OPALIN: variants seen among roughly 807,000 people sequenced by gnomAD.
OPALIN encodes transmembrane protein 10.
OPALIN carries 15 observed loss-of-function variants against 17.8 expected under a neutral mutation model. That is an observed-to-expected ratio of 0.84 (90% CI 0.56 to 1.29). The LOEUF (loss-of-function observed/expected upper bound fraction) is 1.29. Ranked by LOEUF, OPALIN falls within the 50% of genes most tolerant of loss-of-function variation. OPALIN has a pLI of 0.00. For synonymous variants in OPALIN, 62 were observed against 63.8 expected, an observed-to-expected ratio of 0.97 and a Z score of 0.14; for missense variants, 170 against 176.0, an observed-to-expected ratio of 0.97 and a Z score of 0.19.
chr10:96,351,495 CT>C (rs1483655463), intron 2 of OPALIN, 85 bp from the exon 3 acceptor site: 4 of 757,460 alleles, frequency 5.3e-6, no homozygotes, highest in Non-Finnish European at 8.2e-6. Flanking sequence ...AAAGTTTAGG[CT>C]ATAAAGCCTA....
At position 96,345,496 on chromosome 10, in the gene OPALIN, T is replaced by C. The variant is rs890997016; in HGVS notation, c.*445A>G. On this transcript the variant is annotated 3_prime_UTR_variant, in exon 6 of 6. Transcript: ENST00000371172. ...AGATATTCAGAAACAATTAACTGCT[T>C]CCTCTCACACATCCTGCATAAGTTT... 6.4e-6 allele frequency: 1 copy of C among 156,620 alleles called. No homozygotes were observed. Among genetic ancestry groups the C allele is most frequent in the African/African-American group, 2.4e-5 (1 of 41,482 alleles). The allele number at this position is 156,620 out of a possible 1,614,324, so 9.7% of individuals were successfully genotyped here.
rs1845283518 is a variant in OPALIN, at chr10:96,345,717, C to A, written c.*224G>T. The A allele has an allele frequency of 2.3e-6, 1 of 430,182 alleles. No homozygotes were observed. The highest frequency in any genetic ancestry group is 3.4e-5 in the East Asian group (1 of 29,068). 26.6% of individuals were successfully genotyped at this position (430,182 alleles called of 1,614,324 possible). A position where few individuals can be genotyped will look rare whatever the true frequency, so the allele number is the denominator to read the frequency against. On this transcript the variant is annotated 3_prime_UTR_variant, in exon 6 of 6. Coordinates refer to ENST00000371172, the MANE Select transcript of OPALIN (RefSeq NM_033207.5). ...CAGGAATAGGATCTAAGGACCCCAT[C>A]TGGTGAGTCACATGTACTAACTAAA...
chr10:96,352,131 C>CG (rs1845610701), intron 2 of OPALIN, among the ~76,000 whole-genome samples: 1 of 150,542 alleles, frequency 6.6e-6, no homozygotes, highest in South Asian at 2.1e-4. Flanking sequence ...TTGCATGTCT[C>CG]TATCTACACA....
Position 96,350,106 on chromosome 10 carries a change from A to G in OPALIN, c.73-280T>C, listed in dbSNP as rs545957478. ...GATATGAACAGGTATTCTTTAGAAC[A>G]GAAATACAAATGTCTCTTCAATGTA... On this transcript the variant is annotated intron_variant, in intron 3 of 5. Coordinates refer to ENST00000371172, the MANE Select transcript of OPALIN (RefSeq NM_033207.5). Among the ~76,000 whole-genome samples, 5 of 152,384 alleles carry G rather than the reference A, an allele frequency of 3.3e-5. No homozygotes were observed. In the East Asian group the frequency reaches 9.6e-4, roughly 29 times the overall value.
intron 1 of OPALIN, among the ~76,000 whole-genome samples, chr10:96,355,763 G>A (rs1328312010): frequency 6.6e-6 from 1 of 152,180 alleles, no homozygotes; most frequent in African/African-American, 2.4e-5. Flanking sequence ...ATCCTTACCC[G>A]GGGAAGGCAA....
At position 96,355,297 on chromosome 10, in the gene OPALIN, G is replaced by A; in HGVS notation, c.4-7C>T. On this transcript the variant is annotated splice_polypyrimidine_tract_variant and splice_region_variant and intron_variant, in intron 1 of 5. Coordinates refer to ENST00000371172, the MANE Select transcript of OPALIN (RefSeq NM_033207.5). ...TGAAGTTCAGTGAAAAACTCTGCAA[G>A]ATAGAAGTAAACATTAAAGCTCCCA... 1.9e-6 allele frequency: 3 copies of A among 1,613,682 alleles called. No homozygotes were observed. The highest frequency in any genetic ancestry group is 1.7e-6 in the Non-Finnish European group (2 of 1,179,792).
Position 96,349,771 on chromosome 10 carries a change from G to A in OPALIN, c.128C>T (p.Ala43Val). The change falls in exon 4 of 6, where the codon GCC becomes GTC. Residue 43 changes from alanine to valine, a missense_variant. Physicochemically the swap from Ala to Val is moderately conservative, Grantham distance 64. Transcript: ENST00000371172. ...AAGIPLLVAT[A>V]LLVALLFTLI... ...AGTAAATAGTAAAGCCACCAGCAGG[G>A]CTGTGGCCACCAGCAATGGTATGCC... 1.9e-6 allele frequency: 3 copies of A among 1,613,670 alleles called. No individual in the cohort carries two copies. Among genetic ancestry groups the A allele is most frequent in the Non-Finnish European group, 2.5e-6 (3 of 1,179,726 alleles).
chr10:96,354,132 T>G (rs1845706918), intron 2 of OPALIN, among the ~76,000 whole-genome samples: 1 of 152,100 alleles, frequency 6.6e-6, no homozygotes. Context: ...CCAAGCCCAC[T>G]AAAAAACTGG....
chr10:96,358,573 T>C (rs1385174122), intron 1 of OPALIN, among the ~76,000 whole-genome samples: 1 of 152,224 alleles, frequency 6.6e-6, no homozygotes, highest in Non-Finnish European at 1.5e-5. Context: ...TTGCTGATGA[T>C]GGAACAAAAA....
In OPALIN at chr10:96,349,750, A is replaced by G. The variant is rs1420858819; in HGVS notation, c.149T>C (p.Phe50Ser). 3 of 1,613,966 alleles carry G rather than the reference A, an allele frequency of 1.9e-6. No individual in the cohort carries two copies. In the African/African-American group the frequency reaches 4.0e-5, roughly 22 times the overall value. Residue 50 changes from phenylalanine (F) to serine (S), a missense_variant, in exon 4 of 6, where the codon TTT (phenylalanine) becomes TCT (serine). Transcript: ENST00000371172. ...VATALLVALL[F>S]TLIHRRRSSI... The stretch of plus-strand genomic sequence containing the variant: ...GCTTCTTCTTCGGTGAATCAAAGTA[A>G]ATAGTAAAGCCACCAGCAGGGCTGT...
chr10:96,348,263 TAG>T (rs1269008271), intron 5 of OPALIN, 24 bp downstream of exon 5: 4 of 1,233,302 alleles, frequency 3.2e-6, no homozygotes, highest in South Asian at 1.3e-5. Flanking sequence ...GAATGGTATA[TAG>T]AGAGTATAAC....
chr10:96,347,939 C>T (rs1271609189), intron 5 of OPALIN, among the ~76,000 whole-genome samples: 1 of 152,194 alleles, frequency 6.6e-6, no homozygotes, highest in African/African-American at 2.4e-5. Flanking sequence ...TTGAAAAAGA[C>T]ATCTTTCAAG....
chr10:96,347,260 A>C (rs1040692233), intron 5 of OPALIN, among the ~76,000 whole-genome samples: 2 of 151,784 alleles, frequency 1.3e-5, no homozygotes, highest in Admixed American at 6.6e-5. Context: ...ACACCTGGCT[A>C]ACTTTTGTGT....
chr10:96,345,804 C>T lies in OPALIN; in HGVS notation c.*137G>A, dbSNP rs1845287724. The stretch of plus-strand genomic sequence containing the variant: ...GATGTCCCCTAAAGAGACAAATCAG[C>T]CCCAAAGTGTTCCAGAGCTGTAAAT... On this transcript the variant is annotated 3_prime_UTR_variant, in exon 6 of 6. Coordinates refer to ENST00000371172, the MANE Select transcript of OPALIN (RefSeq NM_033207.5). The T allele has an allele frequency of 2.6e-6, 2 of 778,984 alleles. No homozygotes were observed. Among genetic ancestry groups the T allele is most frequent in the South Asian group, 3.6e-5 (2 of 55,844 alleles). 48.3% of individuals were successfully genotyped at this position (778,984 alleles called of 1,614,324 possible).
chr10:96,349,175 C>A (rs1845463901), intron 4 of OPALIN, among the ~76,000 whole-genome samples: 3 of 152,072 alleles, frequency 2.0e-5, no homozygotes, highest in Non-Finnish European at 4.4e-5. Flanking sequence ...AACCATGGAA[C>A]CTTGTTGGAT....
At position 96,350,245 on chromosome 10, in the gene OPALIN, T is replaced by C. The variant is rs186903623; in HGVS notation, c.73-419A>G. On this transcript the variant is annotated intron_variant, in intron 3 of 5. Coordinates refer to ENST00000371172, the MANE Select transcript of OPALIN (RefSeq NM_033207.5). ...TTTTTTTTTTGTTTGAGATGGAGTC[T>C]TGCTCTGTTGCCCAGGCTGGAGTGC... Among the ~76,000 whole-genome samples, 382 of 152,344 alleles carry C rather than the reference T, an allele frequency of 2.5e-3. 1 individual carries two copies. Among genetic ancestry groups the C allele is most frequent in the Non-Finnish European group, 2.4e-3 (165 of 68,040 alleles).
Position 96,348,280 on chromosome 10 carries a change from A to G in OPALIN, c.249+9T>C. 4.8e-6 allele frequency: 7 copies of G among 1,466,130 alleles called. No individual in the cohort carries two copies. Among genetic ancestry groups the G allele is most frequent in the Non-Finnish European group, 6.7e-6 (7 of 1,050,214 alleles). 90.8% of individuals were successfully genotyped at this position (1,466,130 alleles called of 1,614,324 possible). A position where few individuals can be genotyped will look rare whatever the true frequency, so the allele number is the denominator to read the frequency against. ...ATGGTATATAGAGAGTATAACCAAG[A>G]GTTCTTACCTCAGATATCTTGGGAT... On this transcript the variant is annotated intron_variant, in intron 5 of 5. Transcript: ENST00000371172.
intron 2 of OPALIN, among the ~76,000 whole-genome samples, chr10:96,352,939 G>A (rs1020276114): frequency 6.6e-6 from 1 of 152,202 alleles, no homozygotes; most frequent in Non-Finnish European, 1.5e-5. Flanking sequence ...AATTGTACCA[G>A]CTAATGCCAT....
At chr10:96,358,186 T>TTAAAAA (rs1845888089) in intron 1 of OPALIN, among the ~76,000 whole-genome samples, 3 of 61,590 alleles carry the variant, frequency 4.9e-5, no homozygotes, top group Admixed American at 2.9e-4. Flanking sequence ...ATGCTTTTTG[T>TTAAAAA]AAAAAAAAAA....
Sources: allele counts gnomAD v4.1 joint callset (sites outside exome capture counted in the v4.1 genomes callset), GRCh38; gene constraint gnomAD v4.1.1; transcripts MANE v1.5; gene names NCBI Gene and HGNC (gene_info 2026-07-23, HGNC 2026-07-21).